Variants in GRIN2A observed in about 807,000 individuals in gnomAD.
GRIN2A encodes glutamate receptor ionotropic, NMDA 2A.
Under a neutral mutation model 113.4 loss-of-function variants are expected in GRIN2A, and 22 were observed. The observed-to-expected ratio is 0.19, with a 90% CI of 0.14 to 0.28. GRIN2A has a LOEUF of 0.28. Ranked by LOEUF, GRIN2A falls within the 10% of genes least tolerant of loss-of-function variation. The pLI, the probability that GRIN2A is intolerant of heterozygous loss-of-function variation, is 1.00. For missense variants in GRIN2A, 1,502 were observed against 1,887.0 expected, an observed-to-expected ratio of 0.80 and a Z score of 3.78; for synonymous variants, 827 against 738.4, an observed-to-expected ratio of 1.12 and a Z score of -1.94.
At chr16:9,990,716 A>G (rs2046094979) in intron 2 of GRIN2A, among the ~76,000 whole-genome samples, 1 of 151,892 alleles carries the variant, frequency 6.6e-6, no homozygotes, top group African/African-American at 2.4e-5. Flanking sequence ...AGCAGGAGAA[A>G]TTTCGCCTAA....
intron 2 of GRIN2A, among the ~76,000 whole-genome samples, chr16:10,049,774 T>C (rs988812724): frequency 6.6e-6 from 1 of 152,206 alleles, no homozygotes; most frequent in Admixed American, 6.5e-5. Flanking sequence ...ATTGTTTGTC[T>C]GTCTCTCCTG....
chr16:9,771,332 G>C (rs115656512), intron 11 of GRIN2A, among the ~76,000 whole-genome samples: 1 of 150,588 alleles, frequency 6.6e-6, no homozygotes, highest in African/African-American at 2.4e-5. Context: ...TCCAATAGAT[G>C]TATTTTCCCG....
intron 3 of GRIN2A, among the ~76,000 whole-genome samples, chr16:9,909,324 G>A (rs1302614869): frequency 6.6e-6 from 1 of 152,162 alleles, no homozygotes; most frequent in African/African-American, 2.4e-5. Flanking sequence ...GATATGGGTG[G>A]GGACAATGCC....
At chr16:9,845,787 T>C (rs146630231) in intron 5 of GRIN2A, among the ~76,000 whole-genome samples, 19 of 152,304 alleles carry the variant, frequency 1.2e-4, no homozygotes, top group Admixed American at 2.0e-4. Flanking sequence ...TAACCCCACA[T>C]ACCCCGATGT....
intron 2 of GRIN2A, among the ~76,000 whole-genome samples, chr16:9,984,526 T>C (rs2141789344): frequency 6.6e-6 from 1 of 152,344 alleles, no homozygotes; most frequent in South Asian, 2.1e-4. Flanking sequence ...GTGTATTTTG[T>C]ATATGGTGAG....
intron 4 of GRIN2A, among the ~76,000 whole-genome samples, chr16:9,870,135 C>T (rs779722852): frequency 1.3e-5 from 2 of 152,116 alleles, no homozygotes; most frequent in East Asian, 1.9e-4. Flanking sequence ...ACGGAGAAGG[C>T]GGTCCTGCCA....
At chr16:9,975,289 A>G (rs1037044945) in intron 2 of GRIN2A, among the ~76,000 whole-genome samples, 2 of 152,182 alleles carry the variant, frequency 1.3e-5, no homozygotes, top group Non-Finnish European at 2.9e-5. Flanking sequence ...ACATGAAAAA[A>G]GTGATTATGG....
chr16:9,954,939 C>A (rs542209502), intron 2 of GRIN2A, among the ~76,000 whole-genome samples: 1 of 152,290 alleles, frequency 6.6e-6, no homozygotes, highest in Non-Finnish European at 1.5e-5. Flanking sequence ...GTTAGGCTTA[C>A]TCCACAGTTA....
chr16:9,924,055 G>A (rs1360040933), intron 3 of GRIN2A, among the ~76,000 whole-genome samples: 1 of 145,020 alleles, frequency 6.9e-6, no homozygotes, highest in Non-Finnish European at 1.5e-5. Context: ...AGGTTGTAGT[G>A]AGCCGAGATT....
In GRIN2A at chr16:10,167,139, T is replaced by A. The variant is rs139666962; in HGVS notation, c.414+12859A>T. ...GGATCAACTGTGTTTAATAAACCAA[T>A]AAATAAATCAAATCCAAGGAAGTCT... On this transcript the variant is annotated intron_variant, in intron 2 of 12. Transcript: ENST00000330684. Among the ~76,000 whole-genome samples the A allele has an allele frequency of 2.5e-3, 385 of 152,056 alleles. 1 individual carries two copies. The highest frequency in any genetic ancestry group is 8.6e-3 in the African/African-American group (355 of 41,508).
At chr16:9,844,316 G>C (rs1216485037) in intron 5 of GRIN2A, among the ~76,000 whole-genome samples, 1 of 152,176 alleles carries the variant, frequency 6.6e-6, no homozygotes, top group Non-Finnish European at 1.5e-5. Flanking sequence ...CCCACTAAGT[G>C]CCTACTGTGC....
intron 2 of GRIN2A, among the ~76,000 whole-genome samples, chr16:10,018,045 T>C (rs837696): frequency 0.79 from 119,973 of 152,122 alleles, 48,037 homozygotes; most frequent in Non-Finnish European, 0.85. Context: ...TCTTAATCTC[T>C]TCTTCCTTGT....
At chr16:10,138,416 G>A (rs1596544674) in intron 2 of GRIN2A, among the ~76,000 whole-genome samples, 1 of 152,304 alleles carries the variant, frequency 6.6e-6, no homozygotes, top group Non-Finnish European at 1.5e-5. Context: ...AGACGAAGAG[G>A]AAGCGAGGAA....
At chr16:9,897,243 CA>C (rs1456991789) in intron 3 of GRIN2A, among the ~76,000 whole-genome samples, 9 of 108,330 alleles carry the variant, frequency 8.3e-5, no homozygotes, top group Admixed American at 7.7e-4. Flanking sequence ...AAAATACGTA[CA>C]TATATATACA....
At chr16:10,007,277 A>T (rs2046420906) in intron 2 of GRIN2A, among the ~76,000 whole-genome samples, 2 of 152,154 alleles carry the variant, frequency 1.3e-5, no homozygotes, top group African/African-American at 4.8e-5. Context: ...CTTCCTCCAC[A>T]TCCTCCCCAG....
chr16:10,129,683 G>A (rs80348947), intron 2 of GRIN2A, among the ~76,000 whole-genome samples: 48 of 152,308 alleles, frequency 3.2e-4, no homozygotes, highest in Non-Finnish European at 6.5e-4. Context: ...ATATAAGCAG[G>A]AGATTATGGT....
At position 9,937,075 on chromosome 16, in the gene GRIN2A, C is replaced by CTGACA. The variant is rs1211751621; in HGVS notation, c.1007+883_1007+884insTGTCA. Among the ~76,000 whole-genome samples, 1,401 of 151,376 alleles carry CTGACA rather than the reference C, an allele frequency of 9.3e-3. 17 individuals carry two copies. The highest frequency in any genetic ancestry group is 0.033 in the African/African-American group (1,336 of 40,752). On this transcript the variant is annotated intron_variant, in intron 3 of 12. Coordinates refer to ENST00000330684, the MANE Select transcript of GRIN2A (RefSeq NM_001134407.3). ...CTGTTTAGCTTCTAATAGGAAGCTT[C>CTGACA]AAAATCCCTAAATTAAATGTTTATA...
rs139378254 is a variant in GRIN2A at position 10,096,726 on chromosome 16, C to T, written c.414+83272G>A. Among the ~76,000 whole-genome samples, 5 of 152,128 alleles carry T rather than the reference C, an allele frequency of 3.3e-5. No homozygotes were observed. In the East Asian group the frequency reaches 9.7e-4, roughly 29 times the overall value. ...TCTTTCTTGCTGGTGGTCTCATTTC[C>T]CTGCCCTCCTCCTTACCTGTGCCAC... On this transcript the variant is annotated intron_variant, in intron 2 of 12. Coordinates refer to ENST00000330684, the MANE Select transcript of GRIN2A (RefSeq NM_001134407.3).
chr16:9,931,459 C>T (rs1195362267), intron 3 of GRIN2A, among the ~76,000 whole-genome samples: 1 of 152,196 alleles, frequency 6.6e-6, no homozygotes, highest in Non-Finnish European at 1.5e-5. Context: ...CTTACACACG[C>T]ACCCTCTTTA....
Sources: gnomAD v4.1 joint callset for allele counts (sites outside exome capture counted in the v4.1 genomes callset) on GRCh38, gnomAD v4.1.1 for gene constraint, MANE v1.5 for transcripts, NCBI Gene and HGNC (gene_info 2026-07-23, HGNC 2026-07-21) for gene names.